KCNQ5: variants seen among roughly 807,000 people sequenced by gnomAD.
The protein encoded by KCNQ5 is potassium voltage-gated channel subfamily Q member 5.
KCNQ5 carries 30 observed loss-of-function variants against 98.2 expected under a neutral mutation model. The ratio of observed to expected loss-of-function variants is 0.31; its 90% CI spans 0.23 to 0.41. KCNQ5 has a LOEUF of 0.41. Ranked by LOEUF, KCNQ5 falls within the 10% of genes least tolerant of loss-of-function variation. The pLI is 1.00. For synonymous variants in KCNQ5, 458 were observed against 449.4 expected (o/e 1.02, Z -0.24); for missense variants, 835 against 1,182.5 (o/e 0.71, Z 4.31).
At chr6:72,729,484 C>T (rs1354319570) in intron 1 of KCNQ5, among the ~76,000 whole-genome samples, 1 of 152,082 alleles carries the variant, frequency 6.6e-6, no homozygotes, top group African/African-American at 2.4e-5. Context: ...AACAGGGTTT[C>T]GCCATGTTGG....
At chr6:72,806,016 CCG>C in intron 1 of KCNQ5, among the ~76,000 whole-genome samples, 1 of 152,090 alleles carries the variant, frequency 6.6e-6, no homozygotes, top group Non-Finnish European at 1.5e-5. Context: ...TTCATGGTGC[CCG>C]AAATCTGCTG....
intron 2 of KCNQ5, among the ~76,000 whole-genome samples, chr6:73,033,168 A>C (rs1240761105): frequency 2.0e-5 from 3 of 152,076 alleles, no homozygotes; most frequent in African/African-American, 7.2e-5. Context: ...GTAAACCAGG[A>C]ATGTCCTGCT....
intron 1 of KCNQ5, among the ~76,000 whole-genome samples, chr6:72,691,568 A>G (rs758187266): frequency 2.8e-4 from 43 of 152,366 alleles, no homozygotes; most frequent in Middle Eastern, 3.4e-3. Flanking sequence ...AAAGAGCTAA[A>G]TTGTAGAGAA....
intron 1 of KCNQ5, among the ~76,000 whole-genome samples, chr6:72,778,400 T>G (rs769955674): frequency 2.0e-5 from 3 of 151,956 alleles, no homozygotes; most frequent in African/African-American, 4.8e-5. Context: ...TAGCCGGGCA[T>G]GGTGGCACTT....
intron 1 of KCNQ5, among the ~76,000 whole-genome samples, chr6:72,852,661 A>ATATATATATATATAT (rs60436919): frequency 8.0e-6 from 1 of 125,390 alleles, no homozygotes; most frequent in South Asian, 2.6e-4. Context: ...ATATATATAT[A>ATATATATATATATAT]AATGGCACTT....
Position 73,028,185 on chromosome 6 carries a change from G to A in KCNQ5, c.490-13751G>A, listed in dbSNP as rs1003018840. ...TCCCTGCTTGCCAAAATATGGAGCA[G>A]CAGAGTCTCCCCAGCTCCCACACCT... is the stretch of plus-strand genomic sequence containing the variant. On this transcript the variant is annotated intron_variant, in intron 2 of 13. Transcript: ENST00000370398. 4.6e-5 allele frequency among the ~76,000 whole-genome samples: 7 copies of A among 152,160 alleles called. No homozygotes were observed. The East Asian group carries it at 1.2e-3, about 25-fold the overall frequency.
chr6:73,142,252 A>AG (rs1347407262), intron 10 of KCNQ5, among the ~76,000 whole-genome samples: 4 of 152,272 alleles, frequency 2.6e-5, no homozygotes, highest in African/African-American at 7.2e-5. Context: ...GGGACTATAC[A>AG]GGGGGGTAAT....
chr6:72,945,827 CT>C (rs1766518123), intron 1 of KCNQ5, among the ~76,000 whole-genome samples: 1 of 152,084 alleles, frequency 6.6e-6, no homozygotes, highest in African/African-American at 2.4e-5. Flanking sequence ...TTCTGCAATA[CT>C]GGTGTAGAAT....
intron 1 of KCNQ5, among the ~76,000 whole-genome samples, chr6:72,868,284 T>G (rs1053417281): frequency 6.6e-6 from 1 of 152,228 alleles, no homozygotes; most frequent in Non-Finnish European, 1.5e-5. Context: ...GTGTGTGTTA[T>G]GTAGACTCTG....
At chr6:72,881,066 T>G (rs1010534773) in intron 1 of KCNQ5, among the ~76,000 whole-genome samples, 4 of 152,246 alleles carry the variant, frequency 2.6e-5, no homozygotes, top group African/African-American at 9.6e-5. Context: ...CAACTTTTAA[T>G]GAGTGATTGT....
At chr6:72,838,127 C>A (rs866862967) in intron 1 of KCNQ5, among the ~76,000 whole-genome samples, 1 of 122,304 alleles carries the variant, frequency 8.2e-6, no homozygotes, top group African/African-American at 3.1e-5. Flanking sequence ...CAACAGGCCC[C>A]GACACCAGGT....
At chr6:72,994,238 G>A (rs1769167216) in intron 1 of KCNQ5, among the ~76,000 whole-genome samples, 2 of 76,668 alleles carry the variant, frequency 2.6e-5, no homozygotes, top group African/African-American at 6.8e-5. Context: ...CCTGGGCAAT[G>A]GCGGGCGCCC....
chr6:72,739,086 G>A (rs1415872384), intron 1 of KCNQ5, among the ~76,000 whole-genome samples: 1 of 152,174 alleles, frequency 6.6e-6, no homozygotes, highest in Non-Finnish European at 1.5e-5. Flanking sequence ...TTCGTTGATT[G>A]TAACCAATGT....
intron 1 of KCNQ5, among the ~76,000 whole-genome samples, chr6:72,645,761 G>A (rs1189249338): frequency 6.6e-6 from 1 of 152,108 alleles, no homozygotes; most frequent in Non-Finnish European, 1.5e-5. Flanking sequence ...ATCATGCTTG[G>A]CTTCTTGAAT....
rs189650401 is a variant in KCNQ5 at position 73,168,080 on chromosome 6, G to A, written c.1469-1666G>A. Among the ~76,000 whole-genome samples, 199 of 152,312 alleles carry A rather than the reference G, an allele frequency of 1.3e-3. 3 individuals carry two copies. Among genetic ancestry groups the A allele is most frequent in the East Asian group, 2.5e-3 (13 of 5,184 alleles). On this transcript the variant is annotated intron_variant, in intron 10 of 13. Coordinates refer to ENST00000370398, the MANE Select transcript of KCNQ5 (RefSeq NM_019842.4). ...AGAAAGCCAAAGGGACCTCGAAGAA[G>A]AGCTGTGAAGATCCATGTGTCTACA... is the stretch of plus-strand genomic sequence containing the variant.
rs540879510 is a variant in KCNQ5 at position 72,694,181 on chromosome 6, C to T, written c.398+71594C>T. ...GATCCTTTTTTTTCTAGTAATTACTCTCTTCCATATTTCACAATTTATCAT... is the reference window on the plus strand; with the variant it reads ...GATCCTTTTTTTTCTAGTAATTACTTTCTTCCATATTTCACAATTTATCAT... On this transcript the variant is annotated intron_variant, in intron 1 of 13. Transcript: ENST00000370398. 1.2e-3 allele frequency among the ~76,000 whole-genome samples: 185 copies of T among 152,080 alleles called. 1 individual carries two copies. In the Middle Eastern group the frequency reaches 0.014, roughly 11 times the overall value.
intron 1 of KCNQ5, among the ~76,000 whole-genome samples, chr6:72,788,147 GA>G (rs999112657): frequency 4.6e-5 from 7 of 151,946 alleles, no homozygotes; most frequent in African/African-American, 1.7e-4. Flanking sequence ...GAAAAGTGGG[GA>G]AAAAAATACA....
chr6:72,957,036 G>T (rs1767112516), intron 1 of KCNQ5, among the ~76,000 whole-genome samples: 1 of 152,084 alleles, frequency 6.6e-6, no homozygotes, highest in Non-Finnish European at 1.5e-5. Context: ...GCCAGGCTGG[G>T]CTTTGCCTCT....
intron 1 of KCNQ5, among the ~76,000 whole-genome samples, chr6:72,867,937 C>T (rs532672454): frequency 1.3e-5 from 2 of 150,556 alleles, no homozygotes; most frequent in Non-Finnish European, 2.9e-5. Context: ...AAAAATAATA[C>T]TAATAATACT....
Sources: gnomAD v4.1 joint callset for allele counts (sites outside exome capture counted in the v4.1 genomes callset) on GRCh38, gnomAD v4.1.1 for gene constraint, MANE v1.5 for transcripts, NCBI Gene and HGNC (gene_info 2026-07-23, HGNC 2026-07-21) for gene names.